MMP16: variants seen among roughly 807,000 people sequenced by gnomAD.
The protein encoded by MMP16 is matrix metallopeptidase 16, also known as matrix metalloproteinase-16.
Under a neutral mutation model 67.8 loss-of-function variants are expected in MMP16, and 12 were observed. The observed-to-expected ratio is 0.18, with a 90% CI of 0.11 to 0.29. The LOEUF (loss-of-function observed/expected upper bound fraction) is 0.29. MMP16 is among the 10% of genes least tolerant of loss of function. MMP16 has a pLI of 1.00. For synonymous variants in MMP16, 249 were observed against 255.9 expected (o/e 0.97, Z 0.26); for missense variants, 475 against 765.7 (o/e 0.62, Z 4.48).
chr8:88,309,098 T>G (rs955978017), intron 1 of MMP16, among the ~76,000 whole-genome samples: 1 of 152,078 alleles, frequency 6.6e-6, no homozygotes, highest in Non-Finnish European at 1.5e-5. Context: ...TCTACTACAA[T>G]TATAAATAAA....
At chr8:88,138,171 G>T (rs1808154096) in intron 4 of MMP16, among the ~76,000 whole-genome samples, 1 of 151,856 alleles carries the variant, frequency 6.6e-6, no homozygotes, top group South Asian at 2.1e-4. Flanking sequence ...ATACATATTG[G>T]GGAGAAGCTG....
intron 1 of MMP16, among the ~76,000 whole-genome samples, chr8:88,290,554 A>G (rs916399291): frequency 1.3e-5 from 2 of 150,562 alleles, no homozygotes; most frequent in Non-Finnish European, 3.0e-5. Context: ...CTCCGTCTCA[A>G]AAAAAAAAAA....
intron 4 of MMP16, among the ~76,000 whole-genome samples, chr8:88,119,258 G>A (rs1415063650): frequency 1.3e-5 from 2 of 151,928 alleles, no homozygotes; most frequent in Admixed American, 1.3e-4. Flanking sequence ...AAAATATAGG[G>A]CAGATACTGT....
intron 1 of MMP16, among the ~76,000 whole-genome samples, chr8:88,207,754 T>C (rs982636941): frequency 6.6e-6 from 1 of 151,858 alleles, no homozygotes; most frequent in Admixed American, 6.6e-5. Flanking sequence ...GCTGCAGCTA[T>C]GCCAGTAGGC....
At chr8:88,121,087 T>TC (rs1323891338) in intron 4 of MMP16, among the ~76,000 whole-genome samples, 1 of 150,776 alleles carries the variant, frequency 6.6e-6, no homozygotes, top group South Asian at 2.1e-4. Context: ...TTTTTTTTTT[T>TC]CCGTTTTTGG....
At chr8:88,162,013 G>A (rs1031998496) in intron 4 of MMP16, among the ~76,000 whole-genome samples, 7 of 152,016 alleles carry the variant, frequency 4.6e-5, no homozygotes, top group Admixed American at 2.0e-4. Flanking sequence ...ATGTGGTGCT[G>A]AGAAGAATGA....
chr8:88,135,446 T>A (rs554993601), intron 4 of MMP16, among the ~76,000 whole-genome samples: 2 of 151,790 alleles, frequency 1.3e-5, no homozygotes, highest in Non-Finnish European at 1.5e-5. Context: ...GACAGAAGTA[T>A]GTACAGGCTA....
At chr8:88,157,692 T>A (rs1317212506) in intron 4 of MMP16, among the ~76,000 whole-genome samples, 1 of 152,108 alleles carries the variant, frequency 6.6e-6, no homozygotes. Flanking sequence ...TTTATTATAC[T>A]TTAAGTTCTA....
intron 1 of MMP16, among the ~76,000 whole-genome samples, chr8:88,200,149 T>C (rs953475544): frequency 2.0e-5 from 3 of 151,954 alleles, no homozygotes; most frequent in African/African-American, 4.8e-5. Context: ...ATAGGTGAGG[T>C]TGAACTAGTC....
intron 1 of MMP16, among the ~76,000 whole-genome samples, chr8:88,253,226 T>C (rs1185766684): frequency 6.6e-6 from 1 of 152,098 alleles, no homozygotes; most frequent in Non-Finnish European, 1.5e-5. Context: ...TCCATACATA[T>C]TTTCTCATTT....
chr8:88,082,765 G>A (rs774438315), intron 6 of MMP16, among the ~76,000 whole-genome samples: 1 of 151,902 alleles, frequency 6.6e-6, no homozygotes, highest in Non-Finnish European at 1.5e-5. Flanking sequence ...CTCAGACTAT[G>A]TGCATGTTTT....
intron 8 of MMP16, among the ~76,000 whole-genome samples, chr8:88,053,742 ATATAAT>A (rs1219801636): frequency 6.6e-6 from 1 of 152,152 alleles, no homozygotes; most frequent in Non-Finnish European, 1.5e-5. Flanking sequence ...CTCTGGAAAT[ATATAAT>A]TATATGACTA....
intron 8 of MMP16, among the ~76,000 whole-genome samples, 194 bp downstream of exon 8, chr8:88,055,934 C>G (rs1358412469): frequency 1.3e-5 from 2 of 152,028 alleles, no homozygotes; most frequent in East Asian, 3.9e-4. Flanking sequence ...ATAAGAAAGT[C>G]ACATTAGCTG....
chr8:88,256,380 A>G (rs968373138), intron 1 of MMP16, among the ~76,000 whole-genome samples: 1 of 152,084 alleles, frequency 6.6e-6, no homozygotes, highest in East Asian at 1.9e-4. Flanking sequence ...GGTCAAATCG[A>G]CTTCACACAA....
chr8:88,249,772 G>C (rs955519528), intron 1 of MMP16, among the ~76,000 whole-genome samples: 1 of 152,054 alleles, frequency 6.6e-6, no homozygotes. Flanking sequence ...AAGACTGCAA[G>C]GGTAGAGGAA....
intron 4 of MMP16, among the ~76,000 whole-genome samples, chr8:88,148,985 C>T (rs919092608): frequency 3.3e-5 from 5 of 152,136 alleles, no homozygotes; most frequent in African/African-American, 7.2e-5. Context: ...AGACAGTGGG[C>T]GCAGGCCAGT....
At chr8:88,282,062 C>T (rs193178123) in intron 1 of MMP16, among the ~76,000 whole-genome samples, 80 of 132,808 alleles carry the variant, frequency 6.0e-4, no homozygotes, top group African/African-American at 2.3e-3. Context: ...ACTAAAAATT[C>T]CAGATTTTTT....
intron 1 of MMP16, among the ~76,000 whole-genome samples, chr8:88,226,171 T>C (rs1182193819): frequency 6.6e-6 from 1 of 152,030 alleles, no homozygotes; most frequent in African/African-American, 2.4e-5. Flanking sequence ...TCCCATTTTT[T>C]TCAAAAGGTT....
At chr8:88,057,914 C>G (rs541148918) in intron 7 of MMP16, among the ~76,000 whole-genome samples, 4 of 151,890 alleles carry the variant, frequency 2.6e-5, no homozygotes, top group Non-Finnish European at 4.4e-5. Context: ...AGATGAAAAC[C>G]AAATATACAC....
Sources: gnomAD v4.1 joint callset for allele counts (sites outside exome capture counted in the v4.1 genomes callset) on GRCh38, gnomAD v4.1.1 for gene constraint, MANE v1.5 for transcripts, NCBI Gene and HGNC (gene_info 2026-07-23, HGNC 2026-07-21) for gene names.